SLC24A2: variants seen among roughly 807,000 people sequenced by gnomAD.
SLC24A2 encodes sodium/potassium/calcium exchanger 2.
A neutral mutation model predicts 62.0 loss-of-function variants in SLC24A2; 36 were observed. That is an observed-to-expected ratio of 0.58 (90% CI 0.44 to 0.77). SLC24A2 has a LOEUF of 0.77. Ranked by LOEUF, SLC24A2 falls within the 30% of genes least tolerant of loss-of-function variation. The pLI is 0.00. For missense variants in SLC24A2, 846 were observed against 817.9 expected, an observed-to-expected ratio of 1.03 and a Z score of -0.42; for synonymous variants, 358 against 294.0, an observed-to-expected ratio of 1.22 and a Z score of -2.23.
At chr9:19,926,772 AGAG>A in the SLC24A2 span, 2 of 152,412 alleles carry the variant, frequency 1.3e-5, no homozygotes, top group Admixed American at 1.3e-4. Flanking sequence ...AAAAAAATTC[AGAG>A]GACCATGCTG....
At chr9:20,235,789 T>G in the SLC24A2 span, among the ~76,000 whole-genome samples, 85 of 152,344 alleles carry the variant, frequency 5.6e-4, no homozygotes, top group African/African-American at 1.7e-3. Flanking sequence ...TACCTCAGTT[T>G]GAAATGCAGA....
At chr9:20,217,967 C>T in the SLC24A2 span, among the ~76,000 whole-genome samples, 1 of 152,164 alleles carries the variant, frequency 6.6e-6, no homozygotes, top group South Asian at 2.1e-4. Context: ...AAACAGTCAA[C>T]TAGTCATTAG....
At chr9:20,303,512 T>A in the SLC24A2 span, among the ~76,000 whole-genome samples, 3 of 152,190 alleles carry the variant, frequency 2.0e-5, no homozygotes, top group African/African-American at 7.2e-5. Context: ...GTTCCCACGT[T>A]CTGACAGCAT....
chr9:19,884,923 C>T, the SLC24A2 span, among the ~76,000 whole-genome samples: 1 of 152,106 alleles, frequency 6.6e-6, no homozygotes, highest in East Asian at 1.9e-4. Context: ...TTTCAACTTA[C>T]GATGGATTTA....
chr9:19,726,419 T>C (rs913614414), intron 2 of SLC24A2, among the ~76,000 whole-genome samples: 6 of 152,296 alleles, frequency 3.9e-5, no homozygotes, highest in South Asian at 2.1e-4. Context: ...TTGATTTTGT[T>C]TGTTCATCTT....
upstream of SLC24A2, among the ~76,000 whole-genome samples, chr9:19,792,953 A>G (rs1201871674): frequency 1.3e-5 from 2 of 152,164 alleles, no homozygotes; most frequent in South Asian, 2.1e-4. Flanking sequence ...TAGCTAAACA[A>G]AAGAACTGGG....
At chr9:19,598,432 A>G (rs960190098) in intron 4 of SLC24A2, among the ~76,000 whole-genome samples, 24 of 152,202 alleles carry the variant, frequency 1.6e-4, no homozygotes, top group African/African-American at 5.3e-4. Flanking sequence ...TGTATGATAC[A>G]TCATTTACAC....
At chr9:19,761,032 T>G (rs1337753598) in intron 2 of SLC24A2, among the ~76,000 whole-genome samples, 1 of 152,140 alleles carries the variant, frequency 6.6e-6, no homozygotes, top group Non-Finnish European at 1.5e-5. Flanking sequence ...CTGCATGTTG[T>G]GCACAGGTAC....
intron 2 of SLC24A2, among the ~76,000 whole-genome samples, chr9:19,685,759 A>C (rs939859914): frequency 6.6e-6 from 1 of 152,144 alleles, no homozygotes; most frequent in Admixed American, 6.6e-5. Context: ...TACTCCATAC[A>C]CAAAAATCAA....
At chr9:20,199,221 C>T in the SLC24A2 span, among the ~76,000 whole-genome samples, 1 of 152,134 alleles carries the variant, frequency 6.6e-6, no homozygotes. Flanking sequence ...GCAAGTGGTC[C>T]ATTTCAACTT....
At chr9:20,281,281 T>C in the SLC24A2 span, among the ~76,000 whole-genome samples, 1 of 152,228 alleles carries the variant, frequency 6.6e-6, no homozygotes, top group East Asian at 1.9e-4. Context: ...CTTTATCTTA[T>C]TTATACTTTT....
the SLC24A2 span, among the ~76,000 whole-genome samples, chr9:20,291,475 G>A: frequency 7.2e-5 from 11 of 152,192 alleles, no homozygotes; most frequent in Admixed American, 7.2e-4. Flanking sequence ...GGATGCAAGA[G>A]ATGACATCTC....
the SLC24A2 span, among the ~76,000 whole-genome samples, chr9:20,246,015 C>G: frequency 6.6e-6 from 1 of 152,146 alleles, no homozygotes; most frequent in African/African-American, 2.4e-5. Context: ...GTCCCCAAAA[C>G]TCTATGTATA....
At chr9:20,274,935 T>G in the SLC24A2 span, among the ~76,000 whole-genome samples, 1 of 152,088 alleles carries the variant, frequency 6.6e-6, no homozygotes, top group Non-Finnish European at 1.5e-5. Flanking sequence ...TGACCCTTAG[T>G]GGCCGCCTTT....
chr9:19,731,497 T>TTTTCTCTC (rs1821332204), intron 2 of SLC24A2, among the ~76,000 whole-genome samples: 1 of 148,178 alleles, frequency 6.7e-6, no homozygotes, highest in Admixed American at 6.7e-5. Flanking sequence ...GAACACTTGT[T>TTTTCTCTC]TCTCTCTCTC....
the SLC24A2 span, among the ~76,000 whole-genome samples, chr9:20,042,955 T>A: frequency 6.6e-6 from 1 of 152,212 alleles, no homozygotes; most frequent in Non-Finnish European, 1.5e-5. Flanking sequence ...ATGGCTCCAA[T>A]GACTGGCTTT....
chr9:19,906,243 A>T, the SLC24A2 span, among the ~76,000 whole-genome samples: 1 of 152,116 alleles, frequency 6.6e-6, no homozygotes, highest in Non-Finnish European at 1.5e-5. Flanking sequence ...TACATAACGA[A>T]ATGAAGGCAG....
chr9:20,037,190 A>C, the SLC24A2 span, among the ~76,000 whole-genome samples: 7 of 152,088 alleles, frequency 4.6e-5, no homozygotes, highest in Admixed American at 4.6e-4. Context: ...GAGCCGCTGC[A>C]CCTGGCCTAT....
At chr9:20,023,907 G>T in the SLC24A2 span, among the ~76,000 whole-genome samples, 1 of 152,182 alleles carries the variant, frequency 6.6e-6, no homozygotes, top group South Asian at 2.1e-4. Flanking sequence ...AAGGCCCTGT[G>T]GACATCCTAG....
Sources: allele counts gnomAD v4.1 joint callset (sites outside exome capture counted in the v4.1 genomes callset), GRCh38; gene constraint gnomAD v4.1.1; transcripts MANE v1.5; gene names NCBI Gene and HGNC (gene_info 2026-07-23, HGNC 2026-07-21).